Variants in RALYL observed in about 807,000 individuals in gnomAD.
RALYL encodes the protein RALY RNA binding protein like, also known as RNA-binding Raly-like protein.
RALYL carries 29 observed loss-of-function variants against 35.1 expected under a neutral mutation model. That is an observed-to-expected ratio of 0.83 (90% CI 0.61 to 1.13). The LOEUF (loss-of-function observed/expected upper bound fraction) is 1.13, where lower values mean the gene tolerates loss of function less well. Among genes scored for constraint, RALYL ranks in the 50% most tolerant of loss-of-function variants. The probability of loss-of-function intolerance (pLI) is 0.00; values close to 1 mark genes in which losing one functional copy is unlikely to be tolerated. For synonymous variants in RALYL, 120 were observed against 127.6 expected, an observed-to-expected ratio of 0.94 and a Z score of 0.40; for missense variants, 359 against 360.4, an observed-to-expected ratio of 1.00 and a Z score of 0.03.
chr8:84,637,429 C>T (rs1825305665), intron 2 of RALYL, among the ~76,000 whole-genome samples: 1 of 151,756 alleles, frequency 6.6e-6, no homozygotes, highest in Admixed American at 6.6e-5. Flanking sequence ...TCCTGTGCTC[C>T]CATCAGGCCT....
At chr8:84,496,772 C>G (rs1402865455) in intron 1 of RALYL, among the ~76,000 whole-genome samples, 1 of 152,118 alleles carries the variant, frequency 6.6e-6, no homozygotes, top group Non-Finnish European at 1.5e-5. Context: ...AAAAACACTT[C>G]AAACCACAGT....
At position 84,732,683 on chromosome 8, in the gene RALYL, T is replaced by TATATATATATATATACACACACAC; in HGVS notation, c.257-41895_257-41894insTATATATATATATACACACACACA. On this transcript the variant is annotated intron_variant, in intron 2 of 8. Transcript: ENST00000521268. ...TATTAAATAATTATATATATATATATACACACACACACACATATATATAAT... is the reference window on the plus strand; with the variant it reads ...TATTAAATAATTATATATATATATATATATATATATATATACACACACACACACACACACACACATATATATAAT... Among the ~76,000 whole-genome samples the TATATATATATATATACACACACAC allele has an allele frequency of 5.7e-3, 758 of 133,122 alleles. 6 individuals carry two copies. Among genetic ancestry groups the TATATATATATATATACACACACAC allele is most frequent in the East Asian group, 0.012 (59 of 4,902 alleles). The allele number at this position is 133,122 out of a possible 152,430, so 87.3% of individuals were successfully genotyped here. A position where few individuals can be genotyped will look rare whatever the true frequency, so the allele number is the denominator to read the frequency against.
At chr8:84,679,657 T>G in intron 2 of RALYL, 1 of 494,314 alleles carries the variant, frequency 2.0e-6, no homozygotes, top group South Asian at 1.5e-5. Flanking sequence ...GAGGTGACAA[T>G]GAAGTACAGA....
chr8:84,566,189 G>T (rs1420373941), intron 2 of RALYL, among the ~76,000 whole-genome samples: 2 of 151,384 alleles, frequency 1.3e-5, no homozygotes, highest in African/African-American at 4.8e-5. Flanking sequence ...TTCTCATGCT[G>T]TGCTCTTTAC....
At chr8:84,837,510 CAT>C (rs1832266718) in intron 4 of RALYL, among the ~76,000 whole-genome samples, 1 of 151,958 alleles carries the variant, frequency 6.6e-6, no homozygotes, top group South Asian at 2.1e-4. Context: ...TTAGCCTACT[CAT>C]ATGAAACTGG....
intron 1 of RALYL, among the ~76,000 whole-genome samples, chr8:84,392,788 GA>G (rs1443024087): frequency 1.3e-5 from 2 of 151,572 alleles, no homozygotes; most frequent in African/African-American, 2.4e-5. Flanking sequence ...GGGAGAAGAG[GA>G]AAAAAAATCT....
chr8:84,819,412 G>A (rs10504810), intron 4 of RALYL, among the ~76,000 whole-genome samples: 3,445 of 152,246 alleles, frequency 0.023, 134 homozygotes, highest in African/African-American at 0.077. Context: ...ACACTTTTCT[G>A]TACTTGTCAA....
At chr8:84,777,665 A>C (rs2465975) in intron 3 of RALYL, among the ~76,000 whole-genome samples, 1 of 151,860 alleles carries the variant, frequency 6.6e-6, no homozygotes, top group African/African-American at 2.4e-5. Context: ...CTTTTGAGAC[A>C]GAGTCTCAAT....
At chr8:84,242,080 C>G (rs2131578303) in intron 1 of RALYL, among the ~76,000 whole-genome samples, 1 of 152,268 alleles carries the variant, frequency 6.6e-6, no homozygotes, top group East Asian at 1.9e-4. Context: ...TCAGCTCCCA[C>G]TTACAAGTGA....
intron 1 of RALYL, among the ~76,000 whole-genome samples, chr8:84,406,446 GGAGAAAAAACCCTATCTTCTGC>G (rs1458808614): frequency 6.6e-6 from 1 of 151,544 alleles, no homozygotes; most frequent in Non-Finnish European, 1.5e-5. Context: ...AAAAATAAAT[GGAGAAAAAACCCTATCTTCTGC>G]TTGGTTTACT....
intron 1 of RALYL, among the ~76,000 whole-genome samples, chr8:84,191,991 A>G (rs192860741): frequency 6.6e-6 from 1 of 152,348 alleles, no homozygotes; most frequent in South Asian, 2.1e-4. Context: ...TTGATGAATA[A>G]CATATTCTCA....
intron 4 of RALYL, among the ~76,000 whole-genome samples, chr8:84,826,356 A>G (rs1256930809): frequency 6.6e-6 from 1 of 151,776 alleles, no homozygotes; most frequent in Non-Finnish European, 1.5e-5. Flanking sequence ...TTTGCAATAG[A>G]GCTCACTATT....
intron 2 of RALYL, among the ~76,000 whole-genome samples, chr8:84,603,079 T>A (rs1025806096): frequency 3.9e-5 from 6 of 152,014 alleles, no homozygotes; most frequent in Non-Finnish European, 8.8e-5. Flanking sequence ...CTAAAAATGA[T>A]AAAGATGGTA....
At chr8:84,438,551 G>C (rs565901827) in intron 1 of RALYL, among the ~76,000 whole-genome samples, 2 of 152,034 alleles carry the variant, frequency 1.3e-5, no homozygotes, top group Non-Finnish European at 2.9e-5. Context: ...ATCTCAATAA[G>C]CTATTTTTTT....
intron 1 of RALYL, among the ~76,000 whole-genome samples, chr8:84,247,362 A>G (rs1294943714): frequency 1.3e-5 from 2 of 151,992 alleles, no homozygotes; most frequent in Non-Finnish European, 2.9e-5. Context: ...TTTAATATTT[A>G]TGTATTTCTT....
At chr8:84,579,046 C>T (rs976925553) in intron 2 of RALYL, among the ~76,000 whole-genome samples, 1 of 152,152 alleles carries the variant, frequency 6.6e-6, no homozygotes, top group Non-Finnish European at 1.5e-5. Context: ...TGCTTCCTCC[C>T]ACCATCAACA....
chr8:84,480,012 T>C (rs2053875781), intron 1 of RALYL, among the ~76,000 whole-genome samples: 2 of 152,172 alleles, frequency 1.3e-5, no homozygotes, highest in African/African-American at 4.8e-5. Flanking sequence ...AGTAGCATCA[T>C]AGGCTAATTT....
intron 2 of RALYL, among the ~76,000 whole-genome samples, chr8:84,556,037 C>G (rs1439580683): frequency 6.6e-6 from 1 of 152,182 alleles, no homozygotes. Context: ...GGTCTGCACT[C>G]TCTCCCCAGA....
At position 84,184,114 on chromosome 8, in the gene RALYL, C is replaced by T. The variant is rs1255141902; in HGVS notation, c.-334C>T. The T allele has an allele frequency of 6.6e-6, 1 of 151,904 alleles. No individual in the cohort carries two copies. The highest frequency in any genetic ancestry group is 2.4e-5 in the African/African-American group (1 of 41,346). The allele number at this position is 151,904 out of a possible 1,614,324, so 9.4% of individuals were successfully genotyped here. ...TTTTTTTTCCCTCCTGTTTTTGATA[C>T]CCATTGATAACATGAAACTTTTCTT... On this transcript the variant is annotated 5_prime_UTR_variant, in exon 1 of 9. Transcript: ENST00000521268.
Sources: gnomAD v4.1 joint callset for allele counts (sites outside exome capture counted in the v4.1 genomes callset) on GRCh38, gnomAD v4.1.1 for gene constraint, MANE v1.5 for transcripts, NCBI Gene and HGNC (gene_info 2026-07-23, HGNC 2026-07-21) for gene names.